SEMA6D: variants seen among roughly 807,000 people sequenced by gnomAD.
SEMA6D encodes semaphorin 6D.
SEMA6D carries 35 observed loss-of-function variants against 106.6 expected under a neutral mutation model. The observed-to-expected ratio is 0.33, with a 90% CI of 0.25 to 0.44. SEMA6D has a LOEUF of 0.44. Ranked by LOEUF, SEMA6D falls within the 20% of genes least tolerant of loss-of-function variation. SEMA6D has a pLI of 1.00. For missense variants in SEMA6D, 1,185 were observed against 1,345.9 expected (o/e 0.88, Z 1.87); for synonymous variants, 499 against 487.7 (o/e 1.02, Z -0.31).
intron 3 of SEMA6D, among the ~76,000 whole-genome samples, chr15:47,485,432 C>CA (rs921044928): frequency 7.4e-5 from 11 of 149,542 alleles, no homozygotes; most frequent in Admixed American, 2.0e-4. Context: ...CACCCCCATT[C>CA]AAAAAAAAAT....
At chr15:47,458,293 A>G (rs1289780994) in intron 2 of SEMA6D, among the ~76,000 whole-genome samples, 2 of 113,120 alleles carry the variant, frequency 1.8e-5, no homozygotes, top group African/African-American at 4.2e-5. Flanking sequence ...TTAACAATTT[A>G]TTTCAATAAA....
Position 47,661,761 on chromosome 15 carries a change from G to A in SEMA6D, c.-55+60865G>A, listed in dbSNP as rs531177037. ...TTACAGAGAGATTTTTGCTCTAAATGTCAAAAGTGCGGGCAGGAGTAGAAT... is the reference window on the plus strand; with the variant it reads ...TTACAGAGAGATTTTTGCTCTAAATATCAAAAGTGCGGGCAGGAGTAGAAT... On this transcript the variant is annotated intron_variant, in intron 4 of 19. Coordinates refer to the SEMA6D transcript ENST00000558014. 2.0e-5 allele frequency among the ~76,000 whole-genome samples: 3 copies of A among 152,318 alleles called. No individual in the cohort carries two copies. The South Asian group carries it at 6.2e-4, about 32-fold the overall frequency.
At chr15:47,186,000 A>G (rs1893540980) in intron 1 of SEMA6D, among the ~76,000 whole-genome samples, 1 of 152,156 alleles carries the variant, frequency 6.6e-6, no homozygotes, top group Admixed American at 6.5e-5. Context: ...ATATATATGT[A>G]CAAGTTTACA....
Position 47,432,593 on chromosome 15 carries a change from A to T in SEMA6D, c.-159+20121A>T, listed in dbSNP as rs529847852. ...TGTATATACATATACAGCTATATGC[A>T]TATGTATATACATATACACACACAA... On this transcript the variant is annotated intron_variant, in intron 2 of 19. Transcript: ENST00000558014. Among the ~76,000 whole-genome samples, 4 of 152,224 alleles carry T rather than the reference A, an allele frequency of 2.6e-5. No homozygotes were observed. In the South Asian group the frequency reaches 6.2e-4, roughly 24 times the overall value.
At chr15:47,361,084 TC>T (rs568746059) in intron 1 of SEMA6D, among the ~76,000 whole-genome samples, 53 of 152,352 alleles carry the variant, frequency 3.5e-4, no homozygotes, top group African/African-American at 1.3e-3. Context: ...CTTCCCTTCT[TC>T]CTGTTTTCTT....
chr15:47,217,874 TAC>T (rs150525483), intron 1 of SEMA6D, among the ~76,000 whole-genome samples: 7,201 of 143,110 alleles, frequency 0.05, 227 homozygotes, highest in South Asian at 0.12. Context: ...TGTACACACA[TAC>T]ACACACACAC....
At chr15:47,482,686 G>A (rs1458418786) in intron 3 of SEMA6D, among the ~76,000 whole-genome samples, 1 of 152,166 alleles carries the variant, frequency 6.6e-6, no homozygotes, top group Non-Finnish European at 1.5e-5. Context: ...TAGGAAATGA[G>A]TGAAACGTAG....
chr15:47,343,151 G>C (rs1292366669), intron 1 of SEMA6D, among the ~76,000 whole-genome samples: 1 of 151,820 alleles, frequency 6.6e-6, no homozygotes, highest in Non-Finnish European at 1.5e-5. Context: ...CAAATTTAGA[G>C]ATTTCACTGA....
At chr15:47,709,485 T>C (rs1175058785) in intron 4 of SEMA6D, among the ~76,000 whole-genome samples, 1 of 152,214 alleles carries the variant, frequency 6.6e-6, no homozygotes, top group Admixed American at 6.5e-5. Context: ...GTATTTCTCG[T>C]TTATCTCTGT....
At chr15:47,249,369 T>G (rs2033380474) in intron 1 of SEMA6D, among the ~76,000 whole-genome samples, 1 of 152,152 alleles carries the variant, frequency 6.6e-6, no homozygotes, top group Admixed American at 6.5e-5. Context: ...CATGAGTGCC[T>G]AGTCTCTGCA....
In SEMA6D at chr15:47,770,852, G is replaced by T; in HGVS notation, c.2289G>T (p.Gly763=). ...DTKSMVMDHR[G]QPPELAALPT... is the part of the protein sequence containing the mutation. ...AATCCATGGTAATGGACCATCGAGGGCAACCTCCAGAGTTGGCTGCTCTTC... is the reference window on the plus strand; with the variant it reads ...AATCCATGGTAATGGACCATCGAGGTCAACCTCCAGAGTTGGCTGCTCTTC... The change falls in exon 19 of 19, where the codon GGG becomes GGT. Residue 763 remains glycine (G), a synonymous_variant. Coordinates refer to ENST00000536845, the MANE Select transcript of SEMA6D (RefSeq NM_001358351.3). The T allele has an allele frequency of 6.2e-7, 1 of 1,613,908 alleles. No individual in the cohort carries two copies.
chr15:47,370,997 A>C (rs1284104773), intron 1 of SEMA6D, among the ~76,000 whole-genome samples: 1 of 152,210 alleles, frequency 6.6e-6, no homozygotes, highest in Non-Finnish European at 1.5e-5. Flanking sequence ...AGAAGGTAAG[A>C]CGTCCCGCCA....
intron 13 of SEMA6D, 129 bp downstream of exon 13, chr15:47,765,185 T>TC: frequency 6.9e-7 from 1 of 1,442,120 alleles, no homozygotes; most frequent in Admixed American, 2.7e-5. Flanking sequence ...GTGTTTTTTT[T>TC]CTCATTGAAA....
At chr15:47,567,728 G>A (rs1164400034) in intron 3 of SEMA6D, among the ~76,000 whole-genome samples, 2 of 152,062 alleles carry the variant, frequency 1.3e-5, no homozygotes, top group Non-Finnish European at 2.9e-5. Flanking sequence ...CCTTGTGTTT[G>A]TCTTCCCGCA....
At chr15:47,768,528 C>A (rs950906841) in intron 17 of SEMA6D, 53 bp from the exon 18 acceptor site, 34 of 1,405,740 alleles carry the variant, frequency 2.4e-5, no homozygotes, top group Non-Finnish European at 2.9e-5. Context: ...ACAGACCAAT[C>A]AAAAAAAATC....
chr15:47,478,457 G>A (rs146021180), intron 3 of SEMA6D, among the ~76,000 whole-genome samples: 21 of 152,274 alleles, frequency 1.4e-4, no homozygotes, highest in Middle Eastern at 3.4e-3. Context: ...TCTTGTCTGC[G>A]TGGTTCATCT....
At chr15:47,343,248 T>TTTTTTATTATTATTATTATTA (rs1555425174) in intron 1 of SEMA6D, among the ~76,000 whole-genome samples, 3 of 146,146 alleles carry the variant, frequency 2.1e-5, no homozygotes, top group African/African-American at 5.2e-5. Flanking sequence ...TAGTTGGATT[T>TTTTTTATTATTATTATTATTA]TTATTATTAT....
intron 1 of SEMA6D, among the ~76,000 whole-genome samples, chr15:47,373,627 A>C (rs1015586555): frequency 1.3e-5 from 2 of 152,174 alleles, no homozygotes; most frequent in Admixed American, 6.5e-5. Flanking sequence ...TTTATAGTAC[A>C]TTATGAGACG....
chr15:47,459,081 A>G (rs1334769588), intron 2 of SEMA6D, among the ~76,000 whole-genome samples: 1 of 152,054 alleles, frequency 6.6e-6, no homozygotes, highest in African/African-American at 2.4e-5. Context: ...GTTTTGTTAT[A>G]TAGCAAAGGT....
Sources: allele counts gnomAD v4.1 joint callset (sites outside exome capture counted in the v4.1 genomes callset), GRCh38; gene constraint gnomAD v4.1.1; transcripts MANE v1.5; gene names NCBI Gene and HGNC (gene_info 2026-07-23, HGNC 2026-07-21).